VPS41: variants seen among roughly 807,000 people sequenced by gnomAD.
The protein encoded by VPS41 is vacuolar protein sorting-associated protein 41 homolog.
A neutral mutation model predicts 130.9 loss-of-function variants in VPS41; 85 were observed. That is an observed-to-expected ratio of 0.65 (90% confidence interval 0.55 to 0.78). The LOEUF (loss-of-function observed/expected upper bound fraction) is 0.78, where lower values mean the gene tolerates loss of function less well. VPS41 is among the 30% of genes least tolerant of loss of function. VPS41 has a pLI of 0.00. For synonymous variants in VPS41, 335 were observed against 332.9 expected (o/e 1.01, Z -0.07); for missense variants, 874 against 1,018.7 (o/e 0.86, Z 1.93).
chr7:38,773,391 G>T (rs1266486573), intron 12 of VPS41, among the ~76,000 whole-genome samples: 4 of 152,114 alleles, frequency 2.6e-5, no homozygotes, highest in Non-Finnish European at 4.4e-5. Flanking sequence ...ATGGATTAGG[G>T]TCTTCATATA....
At chr7:38,731,421 T>C (rs143422314) in intron 25 of VPS41, among the ~76,000 whole-genome samples, 1 of 152,314 alleles carries the variant, frequency 6.6e-6, no homozygotes, top group East Asian at 1.9e-4. Flanking sequence ...CAAAAATTCA[T>C]ACTTGCAATT....
Position 38,732,682 on chromosome 7 carries a change from A to G in VPS41, c.2260-3891T>C, listed in dbSNP as rs1469118620. On this transcript the variant is annotated intron_variant, in intron 25 of 28. Coordinates refer to ENST00000310301, the MANE Select transcript of VPS41 (RefSeq NM_014396.4). Reference sequence around the variant, plus strand: ...TTGCATTTGTGTTTTTAAAAAAAAGATAGGGCTATAATTTTCTCATACTGC... The same window carrying G: ...TTGCATTTGTGTTTTTAAAAAAAAGGTAGGGCTATAATTTTCTCATACTGC... Among the ~76,000 whole-genome samples the G allele has an allele frequency of 9.9e-5, 15 of 152,198 alleles. No homozygotes were observed. In the East Asian group the frequency reaches 2.7e-3, roughly 27 times the overall value.
chr7:38,777,116 T>C (rs1178643209), intron 10 of VPS41, among the ~76,000 whole-genome samples: 1 of 152,212 alleles, frequency 6.6e-6, no homozygotes, highest in East Asian at 1.9e-4. Context: ...AAAAGAAATA[T>C]AAACCATTAT....
intron 13 of VPS41, 45 bp downstream of exon 13, chr7:38,772,477 G>A (rs1181910464): frequency 1.6e-6 from 2 of 1,278,500 alleles, no homozygotes; most frequent in Non-Finnish European, 2.3e-6. Context: ...CTCTCTCTAT[G>A]CTGTAGATGA....
intron 9 of VPS41, among the ~76,000 whole-genome samples, chr7:38,794,724 A>G (rs565606831): frequency 2.6e-5 from 4 of 152,336 alleles, no homozygotes; most frequent in African/African-American, 7.2e-5. Flanking sequence ...GAGCTCTTCC[A>G]TGAGACTACT....
At chr7:38,764,197 T>C (rs913672937) in intron 16 of VPS41, among the ~76,000 whole-genome samples, 5 of 152,068 alleles carry the variant, frequency 3.3e-5, no homozygotes, top group African/African-American at 7.2e-5. Context: ...AACAGAGGGG[T>C]CAGCACAGTG....
At chr7:38,765,695 T>A in intron 15 of VPS41, 34 bp from the exon 16 acceptor site, 1 of 1,438,912 alleles carries the variant, frequency 6.9e-7, no homozygotes, top group Non-Finnish European at 9.5e-7. Context: ...AGAAAGAAAG[T>A]ATATATTAAA....
At position 38,723,084 on chromosome 7, in the gene VPS41, T is replaced by C. The variant is rs1795469543; in HGVS notation, c.*3162A>G. The C allele has an allele frequency of 6.6e-6, 1 of 152,194 alleles. No homozygotes were observed. The highest frequency in any genetic ancestry group is 1.5e-5 in the Non-Finnish European group (1 of 68,034). The allele number at this position is 152,194 out of a possible 1,614,324, so 9.4% of individuals were successfully genotyped here. A position where few individuals can be genotyped will look rare whatever the true frequency, so the allele number is the denominator to read the frequency against. ...GAAAATATATTTACTACTCATTAAG[T>C]AGAAGTGGATCATCATAAGTGTTTC... On this transcript the variant is annotated 3_prime_UTR_variant, in exon 29 of 29. Transcript: ENST00000310301.
intron 5 of VPS41, 60 bp downstream of exon 5, chr7:38,830,194 G>C: frequency 5.7e-6 from 6 of 1,061,588 alleles, no homozygotes; most frequent in African/African-American, 1.6e-5. Flanking sequence ...GCAAGGTGCT[G>C]TTCCGATCAC....
intron 10 of VPS41, among the ~76,000 whole-genome samples, chr7:38,780,931 C>G (rs1388716569): frequency 6.6e-6 from 1 of 152,070 alleles, no homozygotes. Context: ...CTACCCCTGC[C>G]TCTTGCTCCT....
intron 2 of VPS41, among the ~76,000 whole-genome samples, chr7:38,871,976 T>C (rs962912643): frequency 2.0e-5 from 3 of 152,212 alleles, no homozygotes; most frequent in Non-Finnish European, 2.9e-5. Context: ...ATGTACTGAT[T>C]TAAAACAACA....
chr7:38,897,659 AAAAG>A (rs1011670273), intron 2 of VPS41, among the ~76,000 whole-genome samples: 1 of 151,932 alleles, frequency 6.6e-6, no homozygotes, highest in African/African-American at 2.4e-5. Context: ...AAAAAAAAAA[AAAAG>A]AAGCAAACTC....
intron 4 of VPS41, among the ~76,000 whole-genome samples, chr7:38,840,031 C>A (rs1370795468): frequency 2.6e-5 from 4 of 152,208 alleles, no homozygotes; most frequent in African/African-American, 9.6e-5. Flanking sequence ...AGTAGCATGG[C>A]AGCTGGCTGC....
chr7:38,826,194 T>C (rs954218594), intron 5 of VPS41, among the ~76,000 whole-genome samples: 1 of 152,166 alleles, frequency 6.6e-6, no homozygotes, highest in Non-Finnish European at 1.5e-5. Flanking sequence ...TGAGCTCATT[T>C]TAGGGTCCCT....
chr7:38,904,205 C>T (rs1279770417), intron 1 of VPS41, among the ~76,000 whole-genome samples: 4 of 152,180 alleles, frequency 2.6e-5, no homozygotes, highest in Non-Finnish European at 5.9e-5. Flanking sequence ...ACACAGAAGC[C>T]CCTGATCTGA....
intron 1 of VPS41, among the ~76,000 whole-genome samples, chr7:38,899,228 A>C (rs1184028386): frequency 6.6e-6 from 1 of 152,218 alleles, no homozygotes; most frequent in Non-Finnish European, 1.5e-5. Flanking sequence ...CTTGTAATTA[A>C]GAATTTTATT....
intron 6 of VPS41, 93 bp downstream of exon 6, chr7:38,821,110 T>C (rs893964944): frequency 9.7e-6 from 9 of 930,112 alleles, no homozygotes; most frequent in Admixed American, 5.8e-5. Context: ...ACTGACAAAA[T>C]TAATACAGAA....
chr7:38,742,242 C>T, intron 24 of VPS41, 121 bp from the exon 25 acceptor site: 1 of 963,126 alleles, frequency 1.0e-6, no homozygotes, highest in Admixed American at 3.3e-5. Flanking sequence ...AAATTATTTC[C>T]TTCAAAGTAA....
chr7:38,771,494 A>G (rs187222959), intron 13 of VPS41, among the ~76,000 whole-genome samples: 14 of 152,344 alleles, frequency 9.2e-5, no homozygotes, highest in Admixed American at 7.8e-4. Context: ...GCAGTCAACC[A>G]AAATGAAGAC....
Sources: allele counts gnomAD v4.1 joint callset (sites outside exome capture counted in the v4.1 genomes callset), GRCh38; gene constraint gnomAD v4.1.1; transcripts MANE v1.5; gene names NCBI Gene and HGNC (gene_info 2026-07-23, HGNC 2026-07-21).